Variants in NXPH1 observed in about 807,000 individuals in gnomAD.
The protein encoded by NXPH1 is neurexophilin-1.
NXPH1 carries 5 observed loss-of-function variants against 23.7 expected under a neutral mutation model. That is an observed-to-expected ratio of 0.21 (90% CI 0.11 to 0.44). NXPH1 has a LOEUF of 0.44. Ranked by LOEUF, NXPH1 falls within the 20% of genes least tolerant of loss-of-function variation. The pLI, the probability that NXPH1 is intolerant of heterozygous loss-of-function variation, is 0.99. For missense variants in NXPH1, 324 were observed against 321.6 expected, an observed-to-expected ratio of 1.01 and a Z score of -0.06; for synonymous variants, 144 against 122.2, an observed-to-expected ratio of 1.18 and a Z score of -1.18.
chr7:8,634,279 C>T (rs570661344), intron 2 of NXPH1, among the ~76,000 whole-genome samples: 3 of 152,190 alleles, frequency 2.0e-5, no homozygotes, highest in Non-Finnish European at 4.4e-5. Context: ...TCATAAAGGG[C>T]GGTTCCCCTG....
chr7:8,519,634 A>G (rs1438185114), intron 2 of NXPH1, among the ~76,000 whole-genome samples: 12 of 152,178 alleles, frequency 7.9e-5, no homozygotes, highest in Admixed American at 7.9e-4. Context: ...GCAAAACAGC[A>G]TTCATTTCCT....
chr7:8,692,481 A>C (rs1349827701), intron 2 of NXPH1, among the ~76,000 whole-genome samples: 1 of 152,206 alleles, frequency 6.6e-6, no homozygotes. Flanking sequence ...GTTGGTGACT[A>C]GAATCAAAGG....
At chr7:8,669,008 G>A (rs1487446934) in intron 2 of NXPH1, among the ~76,000 whole-genome samples, 2 of 152,082 alleles carry the variant, frequency 1.3e-5, no homozygotes, top group Admixed American at 6.5e-5. Flanking sequence ...TGTGAGTGCT[G>A]ACCTGGAGAC....
intron 2 of NXPH1, among the ~76,000 whole-genome samples, chr7:8,536,206 T>G (rs1309173706): frequency 2.0e-5 from 3 of 152,064 alleles, no homozygotes; most frequent in Non-Finnish European, 4.4e-5. Context: ...TAAGAAAATA[T>G]GAGTTTATCT....
At chr7:8,438,175 A>G (rs536800171) in intron 2 of NXPH1, among the ~76,000 whole-genome samples, 1 of 152,248 alleles carries the variant, frequency 6.6e-6, no homozygotes, top group Admixed American at 6.5e-5. Flanking sequence ...GCAAATAAAG[A>G]AGTAGAGAGC....
At chr7:8,500,905 A>G (rs1817420253) in intron 2 of NXPH1, among the ~76,000 whole-genome samples, 1 of 152,206 alleles carries the variant, frequency 6.6e-6, no homozygotes, top group South Asian at 2.1e-4. Flanking sequence ...TTGTGGTTGC[A>G]GCCTGAATTT....
At chr7:8,594,998 G>T (rs748123709) in intron 2 of NXPH1, among the ~76,000 whole-genome samples, 1 of 151,962 alleles carries the variant, frequency 6.6e-6, no homozygotes, top group Non-Finnish European at 1.5e-5. Context: ...ACCTGACAAA[G>T]CTACCGAGGT....
chr7:8,660,140 G>C (rs1820649580), intron 2 of NXPH1, among the ~76,000 whole-genome samples: 1 of 152,192 alleles, frequency 6.6e-6, no homozygotes, highest in African/African-American at 2.4e-5. Flanking sequence ...CTTATTATGT[G>C]TCAGCACTGT....
intron 2 of NXPH1, among the ~76,000 whole-genome samples, chr7:8,661,621 G>T (rs1045773333): frequency 6.6e-6 from 1 of 151,836 alleles, no homozygotes; most frequent in East Asian, 1.9e-4. Flanking sequence ...ACCTGAAAAA[G>T]GACATTAAAA....
chr7:8,620,413 T>C (rs1194231859), intron 2 of NXPH1, among the ~76,000 whole-genome samples: 1 of 152,200 alleles, frequency 6.6e-6, no homozygotes, highest in Non-Finnish European at 1.5e-5. Flanking sequence ...AGTAAGCCTC[T>C]GTGCTGCCTC....
intron 2 of NXPH1, among the ~76,000 whole-genome samples, chr7:8,461,592 AGGCCGAGGCGGGT>A (rs1401358396): frequency 6.6e-6 from 1 of 151,874 alleles, no homozygotes; most frequent in Non-Finnish European, 1.5e-5. Context: ...GCACTTTGGG[AGGCCGAGGCGGGT>A]GGATCATGAG....
At chr7:8,503,670 G>A (rs901795666) in intron 2 of NXPH1, among the ~76,000 whole-genome samples, 1 of 151,976 alleles carries the variant, frequency 6.6e-6, no homozygotes, top group Non-Finnish European at 1.5e-5. Flanking sequence ...ATGTGAAGGA[G>A]TGGTTTGATC....
chr7:8,685,477 A>G (rs1327809409), intron 2 of NXPH1, among the ~76,000 whole-genome samples: 1 of 151,454 alleles, frequency 6.6e-6, no homozygotes, highest in African/African-American at 2.4e-5. Flanking sequence ...CCTTGTGTAT[A>G]TGTACCACCT....
intron 2 of NXPH1, among the ~76,000 whole-genome samples, chr7:8,576,836 C>G (rs1330339078): frequency 6.6e-6 from 1 of 152,030 alleles, no homozygotes; most frequent in African/African-American, 2.4e-5. Flanking sequence ...ATTATAAACT[C>G]CTATAGGGTC....
intron 2 of NXPH1, among the ~76,000 whole-genome samples, chr7:8,585,084 A>G (rs2128624432): frequency 6.6e-6 from 1 of 152,256 alleles, no homozygotes; most frequent in Non-Finnish European, 1.5e-5. Flanking sequence ...CCTACCTAAT[A>G]TTTTTACTGC....
intron 2 of NXPH1, among the ~76,000 whole-genome samples, chr7:8,452,677 C>T (rs2349480): frequency 0.11 from 17,052 of 152,070 alleles, 3,057 homozygotes; most frequent in African/African-American, 0.38. Context: ...CTTTTCCATG[C>T]TTCTATTCAA....
chr7:8,639,863 T>C (rs1481808455), intron 2 of NXPH1, among the ~76,000 whole-genome samples: 1 of 152,220 alleles, frequency 6.6e-6, no homozygotes, highest in Non-Finnish European at 1.5e-5. Context: ...ACCATGATTC[T>C]GAGGCCTGCC....
At chr7:8,607,890 TG>T (rs1480907390) in intron 2 of NXPH1, among the ~76,000 whole-genome samples, 1 of 152,234 alleles carries the variant, frequency 6.6e-6, no homozygotes, top group African/African-American at 2.4e-5. Flanking sequence ...CCAATATGAC[TG>T]GTGCCCTCGT....
chr7:8,466,541 A>G (rs897454244), intron 2 of NXPH1, among the ~76,000 whole-genome samples: 8 of 152,276 alleles, frequency 5.3e-5, no homozygotes, highest in African/African-American at 1.2e-4. Context: ...TGATCTATTC[A>G]TGTTCTTTTT....
Sources: allele counts gnomAD v4.1 joint callset (sites outside exome capture counted in the v4.1 genomes callset), GRCh38; gene constraint gnomAD v4.1.1; transcripts MANE v1.5; gene names NCBI Gene and HGNC (gene_info 2026-07-23, HGNC 2026-07-21).